FHIT: variants seen among roughly 807,000 people sequenced by gnomAD.
FHIT encodes the protein fragile histidine triad diadenosine triphosphatase.
Under a neutral mutation model 17.9 loss-of-function variants are expected in FHIT, and 19 were observed. That is an observed-to-expected ratio of 1.06 (90% CI 0.74 to 1.56). The LOEUF (loss-of-function observed/expected upper bound fraction) is 1.56. Among genes scored for constraint, FHIT ranks in the 40% most tolerant of loss-of-function variants. The pLI is 0.00. For missense variants in FHIT, 248 were observed against 189.2 expected (o/e 1.31, Z -1.82); for synonymous variants, 81 against 69.7 (o/e 1.16, Z -0.81).
intron 8 of FHIT, among the ~76,000 whole-genome samples, chr3:59,902,240 C>T (rs1317072109): frequency 6.6e-6 from 1 of 152,026 alleles, no homozygotes; most frequent in African/African-American, 2.4e-5. Flanking sequence ...GAAATAAAAA[C>T]CACAGTGAGG....
At chr3:60,287,363 T>A (rs373107281) in intron 5 of FHIT, among the ~76,000 whole-genome samples, 1 of 152,096 alleles carries the variant, frequency 6.6e-6, no homozygotes, top group African/African-American at 2.4e-5. Context: ...GAGACGGGCT[T>A]TCACCATGTT....
chr3:59,928,501 G>A (rs1705783724), intron 7 of FHIT, among the ~76,000 whole-genome samples: 1 of 152,044 alleles, frequency 6.6e-6, no homozygotes, highest in African/African-American at 2.4e-5. Flanking sequence ...ATCTGATAAG[G>A]GAAGTATATC....
At chr3:61,239,344 G>A (rs1475784905) in intron 1 of FHIT, among the ~76,000 whole-genome samples, 1 of 152,112 alleles carries the variant, frequency 6.6e-6, no homozygotes, top group Admixed American at 6.5e-5. Context: ...AGCCACAGGG[G>A]CCTTCTTTTC....
intron 5 of FHIT, among the ~76,000 whole-genome samples, chr3:60,109,757 C>A (rs1252866283): frequency 2.0e-5 from 3 of 152,148 alleles, no homozygotes; most frequent in African/African-American, 7.2e-5. Flanking sequence ...GCTTTGCCTG[C>A]TGGCTTTCTG....
chr3:60,830,086 AC>A (rs1553742088), intron 3 of FHIT, among the ~76,000 whole-genome samples: 4 of 151,366 alleles, frequency 2.6e-5, no homozygotes, highest in Non-Finnish European at 5.9e-5. Flanking sequence ...TATCCCCCAT[AC>A]CCTTCTTTTT....
At chr3:60,527,445 T>G (rs1450194345) in intron 5 of FHIT, among the ~76,000 whole-genome samples, 1 of 152,206 alleles carries the variant, frequency 6.6e-6, no homozygotes, top group Non-Finnish European at 1.5e-5. Context: ...TCTTGATAAC[T>G]TCAGGCATTT....
chr3:60,071,588 T>C (rs1348789878), intron 5 of FHIT, among the ~76,000 whole-genome samples: 1 of 152,174 alleles, frequency 6.6e-6, no homozygotes, highest in Non-Finnish European at 1.5e-5. Context: ...ATAGCATCTC[T>C]GGAATAAGAC....
chr3:59,799,475 G>C (rs1699909378), intron 8 of FHIT, among the ~76,000 whole-genome samples: 1 of 151,906 alleles, frequency 6.6e-6, no homozygotes, highest in Admixed American at 6.6e-5. Context: ...TGGATATTTT[G>C]TTCATGAGAA....
At chr3:61,047,484 A>G (rs2033849061) in intron 2 of FHIT, among the ~76,000 whole-genome samples, 1 of 152,234 alleles carries the variant, frequency 6.6e-6, no homozygotes, top group Non-Finnish European at 1.5e-5. Context: ...ATAAAAGAGG[A>G]CACAACCAAA....
intron 4 of FHIT, among the ~76,000 whole-genome samples, chr3:60,810,166 A>G (rs1482549058): frequency 6.6e-6 from 1 of 152,342 alleles, no homozygotes; most frequent in East Asian, 1.9e-4. Context: ...ATGGCACAAG[A>G]AAATGAGCCC....
intron 4 of FHIT, among the ~76,000 whole-genome samples, chr3:60,780,418 T>G (rs2205346): frequency 0.059 from 8,998 of 151,928 alleles, 320 homozygotes; most frequent in Non-Finnish European, 0.064. Flanking sequence ...AAGGGTAAAG[T>G]TTTTTTTGCC....
intron 8 of FHIT, among the ~76,000 whole-genome samples, chr3:59,869,399 A>G (rs1189985010): frequency 6.6e-6 from 1 of 152,134 alleles, no homozygotes; most frequent in East Asian, 1.9e-4. Flanking sequence ...ATAGAAAAAA[A>G]CCATCCTTCA....
intron 5 of FHIT, among the ~76,000 whole-genome samples, chr3:60,273,098 TA>T (rs1706949701): frequency 6.6e-6 from 1 of 152,164 alleles, no homozygotes; most frequent in South Asian, 2.1e-4. Context: ...AAGATTTACA[TA>T]AAGAGAACAT....
intron 5 of FHIT, among the ~76,000 whole-genome samples, chr3:60,258,703 A>G (rs1706144239): frequency 6.6e-6 from 1 of 152,172 alleles, no homozygotes; most frequent in African/African-American, 2.4e-5. Context: ...GGGAGCCTTC[A>G]TAGGAAAATG....
At chr3:59,890,113 A>G (rs757008576) in intron 8 of FHIT, among the ~76,000 whole-genome samples, 1 of 152,224 alleles carries the variant, frequency 6.6e-6, no homozygotes, top group Non-Finnish European at 1.5e-5. Flanking sequence ...GATGATATTA[A>G]CTATCAGAGA....
At chr3:60,168,339 T>C (rs1403889760) in intron 5 of FHIT, among the ~76,000 whole-genome samples, 1 of 152,174 alleles carries the variant, frequency 6.6e-6, no homozygotes, top group Non-Finnish European at 1.5e-5. Flanking sequence ...TCAAGTACAT[T>C]GTCTATTAAC....
intron 5 of FHIT, among the ~76,000 whole-genome samples, chr3:60,486,772 C>T (rs2033861287): frequency 6.6e-6 from 1 of 152,124 alleles, no homozygotes; most frequent in African/African-American, 2.4e-5. Context: ...CAACGGATAT[C>T]CTCTCACCAA....
rs559978579 is a variant in FHIT at position 60,114,884 on chromosome 3, G to A, written c.104-100732C>T. Among the ~76,000 whole-genome samples the A allele has an allele frequency of 2.0e-4, 30 of 152,232 alleles. No individual in the cohort carries two copies. The South Asian group carries it at 6.0e-3, about 31-fold the overall frequency. On this transcript the variant is annotated intron_variant, in intron 5 of 9. Coordinates refer to ENST00000492590, the MANE Select transcript of FHIT (RefSeq NM_002012.4). ...TATCCAGGTCAACTGACAGAAGAGAGAGGCCAGAAAGGAATCATAGTATAC... is the reference window on the plus strand; with the variant it reads ...TATCCAGGTCAACTGACAGAAGAGAAAGGCCAGAAAGGAATCATAGTATAC...
intron 5 of FHIT, among the ~76,000 whole-genome samples, chr3:60,467,019 G>A (rs567630859): frequency 6.6e-6 from 1 of 151,940 alleles, no homozygotes; most frequent in East Asian, 1.9e-4. Flanking sequence ...TTTCTTTGCT[G>A]AGCGACTTCA....
Sources: gnomAD v4.1 joint callset for allele counts (sites outside exome capture counted in the v4.1 genomes callset) on GRCh38, gnomAD v4.1.1 for gene constraint, MANE v1.5 for transcripts, NCBI Gene and HGNC (gene_info 2026-07-23, HGNC 2026-07-21) for gene names.